The following RBFOX3 variants were observed in gnomAD, a reference collection of about 807,000 sequenced individuals.
RBFOX3 encodes the protein RNA binding fox-1 homolog 3.
A neutral mutation model predicts 48.7 loss-of-function variants in RBFOX3; 17 were observed. The observed-to-expected ratio is 0.35, with a 90% CI of 0.24 to 0.52. The LOEUF is 0.52. Ranked by LOEUF, RBFOX3 falls within the 20% of genes least tolerant of loss-of-function variation. The probability of loss-of-function intolerance (pLI) is 0.94; values close to 1 mark genes in which losing one functional copy is unlikely to be tolerated. For synonymous variants in RBFOX3, 212 were observed against 209.5 expected (o/e 1.01, Z -0.10); for missense variants, 382 against 497.5 (o/e 0.77, Z 2.21).
chr17:79,416,378 C>T (rs2065355048), intron 2 of RBFOX3, among the ~76,000 whole-genome samples: 1 of 152,204 alleles, frequency 6.6e-6, no homozygotes, highest in Admixed American at 6.5e-5. Context: ...AAGCCTCCTC[C>T]CTAGCAGACC....
chr17:79,183,803 C>A (rs2052759252), intron 4 of RBFOX3, among the ~76,000 whole-genome samples: 1 of 152,218 alleles, frequency 6.6e-6, no homozygotes, highest in African/African-American at 2.4e-5. Flanking sequence ...GGAAGAGAAT[C>A]CGGAGCGACG....
chr17:79,520,621 T>C lies in RBFOX3; in HGVS notation c.-319-38023A>G, dbSNP rs967617834. On this transcript the variant is annotated intron_variant, in intron 1 of 14. Coordinates refer to ENST00000693108, the MANE Select transcript of RBFOX3 (RefSeq NM_001350451.2). ...GCCAGAGGCCTAGAAGTGATTAATG[T>C]CCTCGGCCACCTGAGCCTGACATCT... is the stretch of plus-strand genomic sequence containing the variant. Among the ~76,000 whole-genome samples the C allele has an allele frequency of 5.9e-5, 9 of 152,342 alleles. 1 individual carries two copies. The highest frequency in any genetic ancestry group is 2.0e-4 in the Admixed American group (3 of 15,310).
intron 2 of RBFOX3, among the ~76,000 whole-genome samples, chr17:79,343,780 C>T (rs2082453535): frequency 1.3e-5 from 2 of 152,138 alleles, no homozygotes; most frequent in African/African-American, 4.8e-5. Flanking sequence ...TGAGACAGGT[C>T]CTGTCAGCCC....
chr17:79,470,519 C>G (rs1380549891), intron 2 of RBFOX3, among the ~76,000 whole-genome samples: 9 of 152,144 alleles, frequency 5.9e-5, no homozygotes, highest in African/African-American at 2.2e-4. Context: ...CCAAACCACC[C>G]CTCAGCACAC....
intron 2 of RBFOX3, among the ~76,000 whole-genome samples, chr17:79,378,192 G>T (rs1313180655): frequency 2.0e-5 from 3 of 151,986 alleles, no homozygotes; most frequent in African/African-American, 7.3e-5. Context: ...AAAGCACCGA[G>T]CCTCCCCGTA....
rs1235600598 is a variant in RBFOX3, at chr17:79,479,185, C to G, written c.-175+3269G>C. 2.6e-5 allele frequency among the ~76,000 whole-genome samples: 4 copies of G among 152,194 alleles called. No individual in the cohort carries two copies. Among genetic ancestry groups the G allele is most frequent in the African/African-American group, 7.2e-5 (3 of 41,458 alleles). ...TTCCTCTAGTCACATTCCTTTGGGC[C>G]ATGGACGGCATCCACATGCCAGAGC... is the stretch of plus-strand genomic sequence containing the variant. On this transcript the variant is annotated intron_variant, in intron 2 of 14. Transcript: ENST00000693108. This position sits in a 1 kb window ranked among gnomAD's most constrained non-coding sequence, Gnocchi z 5.1.
intron 3 of RBFOX3, among the ~76,000 whole-genome samples, chr17:79,297,695 G>T (rs1053829920): frequency 6.6e-6 from 1 of 152,224 alleles, no homozygotes; most frequent in Non-Finnish European, 1.5e-5. Context: ...AAACACAGCC[G>T]GCCACACTGA....
At chr17:79,100,839 G>A (rs924715898) in intron 9 of RBFOX3, among the ~76,000 whole-genome samples, 3 of 152,136 alleles carry the variant, frequency 2.0e-5, no homozygotes, top group Non-Finnish European at 4.4e-5. Context: ...ACTTAGCGTC[G>A]GCAGATCCAT....
intron 2 of RBFOX3, among the ~76,000 whole-genome samples, chr17:79,434,519 A>T (rs1307533236): frequency 6.6e-6 from 1 of 152,146 alleles, no homozygotes; most frequent in African/African-American, 2.4e-5. Flanking sequence ...GCGAGTTGGG[A>T]TTCTCTTTAT....
chr17:79,141,788 G>A (rs1396283660), intron 4 of RBFOX3, among the ~76,000 whole-genome samples: 3 of 152,122 alleles, frequency 2.0e-5, no homozygotes, highest in East Asian at 1.9e-4. Context: ...ACAGGTGAGC[G>A]GACGACACAG....
intron 2 of RBFOX3, among the ~76,000 whole-genome samples, chr17:79,367,956 A>G (rs576155180): frequency 3.8e-4 from 58 of 152,320 alleles, no homozygotes; most frequent in African/African-American, 1.3e-3. Context: ...GGGCTGGGGA[A>G]TTAACTTCAG....
chr17:79,553,626 T>TTCTA (rs1189319546), intron 1 of RBFOX3, among the ~76,000 whole-genome samples: 1 of 152,244 alleles, frequency 6.6e-6, no homozygotes, highest in African/African-American at 2.4e-5. Flanking sequence ...CTTAGAAACT[T>TTCTA]TCTATCTTCC....
intron 3 of RBFOX3, among the ~76,000 whole-genome samples, chr17:79,262,652 A>C (rs1232278396): frequency 6.6e-6 from 1 of 152,186 alleles, no homozygotes; most frequent in Non-Finnish European, 1.5e-5. Context: ...TCACGGTGCC[A>C]GCTGTGGACA....
At chr17:79,425,346 G>C (rs566818410) in intron 2 of RBFOX3, among the ~76,000 whole-genome samples, 1 of 151,854 alleles carries the variant, frequency 6.6e-6, no homozygotes, top group Non-Finnish European at 1.5e-5. Context: ...GGCCTGGGGG[G>C]GCTTGTGTGG....
intron 1 of RBFOX3, among the ~76,000 whole-genome samples, chr17:79,509,164 G>A (rs1306670535): frequency 6.6e-6 from 1 of 152,166 alleles, no homozygotes; most frequent in African/African-American, 2.4e-5. Flanking sequence ...CCCCCATGAG[G>A]TTGTGGAGGG....
chr17:79,109,183 G>A (rs2078023941), intron 5 of RBFOX3, among the ~76,000 whole-genome samples: 1 of 152,204 alleles, frequency 6.6e-6, no homozygotes, highest in African/African-American at 2.4e-5. Context: ...CATGGCTCTC[G>A]GAGGGCATGA....
intron 1 of RBFOX3, among the ~76,000 whole-genome samples, chr17:79,569,940 AATAG>A (rs1428699494): frequency 6.7e-6 from 1 of 149,942 alleles, no homozygotes; most frequent in Non-Finnish European, 1.5e-5. Flanking sequence ...ACAGATGGAT[AATAG>A]ATGGATGGTA....
intron 2 of RBFOX3, among the ~76,000 whole-genome samples, chr17:79,457,213 T>A (rs550189751): frequency 6.6e-6 from 1 of 152,276 alleles, no homozygotes; most frequent in East Asian, 1.9e-4. Flanking sequence ...TTAGAATATT[T>A]CAGGGTTGAT....
chr17:79,646,528 G>A, the RBFOX3 span, among the ~76,000 whole-genome samples: 1 of 152,100 alleles, frequency 6.6e-6, no homozygotes, highest in Non-Finnish European at 1.5e-5. Flanking sequence ...GTGTGTGCAG[G>A]GGAACTCACA....
Sources: allele counts gnomAD v4.1 joint callset (sites outside exome capture counted in the v4.1 genomes callset), GRCh38; gene constraint gnomAD v4.1.1; non-coding constraint Gnocchi (gnomAD v3.1); transcripts MANE v1.5; gene names NCBI Gene and HGNC (gene_info 2026-07-23, HGNC 2026-07-21).